Variants in KLHL4 observed in about 807,000 individuals in gnomAD.
The protein encoded by KLHL4 is kelch-like protein 4.
In KLHL4, 17 loss-of-function variants were observed where a neutral mutation model predicts 45.8. That is an observed-to-expected ratio of 0.37 (90% CI 0.25 to 0.56). The LOEUF is 0.56. Among genes scored for constraint, KLHL4 ranks in the 20% least tolerant of loss-of-function variants. KLHL4 has a pLI of 0.79. For missense variants in KLHL4, 544 were observed against 544.9 expected (o/e 1.00, Z 0.02); for synonymous variants, 224 against 189.9 (o/e 1.18, Z -1.47).
chrX:87,589,861 C>T (rs1287605865), intron 1 of KLHL4, among the ~76,000 whole-genome samples: 5 of 89,509 alleles, frequency 5.6e-5, no homozygotes, highest in Non-Finnish European at 4.3e-5. Flanking sequence ...GAAACCCCGT[C>T]TCTACTAAAA....
At chrX:87,632,503 C>A in intron 7 of KLHL4, 69 bp downstream of exon 7, 1 of 726,097 alleles carries the variant, frequency 1.4e-6, no homozygotes, top group East Asian at 3.4e-5. Flanking sequence ...TTAAATCTAG[C>A]AGCACATTAT....
chrX:87,541,953 G>A (rs1007546116), intron 1 of KLHL4, among the ~76,000 whole-genome samples: 4 of 112,023 alleles, frequency 3.6e-5, no homozygotes, highest in South Asian at 7.4e-4. Flanking sequence ...TAGAGATGCG[G>A]AACTCATTGG....
At chrX:87,636,436 T>A (rs769494510) in intron 9 of KLHL4, among the ~76,000 whole-genome samples, 4 of 111,766 alleles carry the variant, frequency 3.6e-5, no homozygotes, top group South Asian at 3.8e-4. Context: ...ACTTTTGCTC[T>A]AAGAACTACC....
At chrX:87,603,679 G>A (rs1422554191) in intron 1 of KLHL4, among the ~76,000 whole-genome samples, 3 of 110,382 alleles carry the variant, frequency 2.7e-5, no homozygotes, top group African/African-American at 9.9e-5. Context: ...TATTATGCAT[G>A]ATATTTATAT....
intron 1 of KLHL4, among the ~76,000 whole-genome samples, chrX:87,553,612 G>T (rs1236780769): frequency 2.9e-5 from 3 of 105,089 alleles, no homozygotes; most frequent in African/African-American, 1.0e-4. Flanking sequence ...CGGTTAAAAA[G>T]TTCTTAAATG....
chrX:87,527,078 C>T (rs1931126440), intron 1 of KLHL4, among the ~76,000 whole-genome samples: 1 of 111,451 alleles, frequency 9.0e-6, no homozygotes, highest in African/African-American at 3.3e-5. Flanking sequence ...ATTGAAATTC[C>T]TGAACAAGAG....
chrX:87,650,771 G>A (rs1322940017), intron 9 of KLHL4, among the ~76,000 whole-genome samples: 1 of 111,672 alleles, frequency 9.0e-6, no homozygotes, highest in Non-Finnish European at 1.9e-5. Context: ...AGACATACCT[G>A]AGACTGGGAA....
intron 8 of KLHL4, 136 bp downstream of exon 8, chrX:87,634,047 G>A: frequency 2.2e-6 from 1 of 457,001 alleles, no homozygotes; most frequent in Non-Finnish European, 3.5e-6. Flanking sequence ...GGTCTTCATT[G>A]GAACTCTCCA....
At chrX:87,541,650 A>G (rs1017008523) in intron 1 of KLHL4, among the ~76,000 whole-genome samples, 1 of 111,079 alleles carries the variant, frequency 9.0e-6, no homozygotes, top group East Asian at 2.8e-4. Context: ...AGTCAATTAA[A>G]TCTCTTTTGT....
intron 1 of KLHL4, among the ~76,000 whole-genome samples, chrX:87,590,079 A>G (rs1921612386): frequency 9.1e-6 from 1 of 109,752 alleles, no homozygotes; most frequent in Admixed American, 9.7e-5. Flanking sequence ...ATGGCACAAC[A>G]GGGTGACTAT....
chrX:87,610,133 C>T (rs1922324547), intron 1 of KLHL4, among the ~76,000 whole-genome samples: 1 of 111,888 alleles, frequency 8.9e-6, no homozygotes, highest in Admixed American at 9.5e-5. Flanking sequence ...CACCAGCCTC[C>T]CCATCCCAAA....
chrX:87,664,267 T>G (rs1926242228), intron 9 of KLHL4, among the ~76,000 whole-genome samples: 1 of 111,959 alleles, frequency 8.9e-6, no homozygotes, highest in Non-Finnish European at 1.9e-5. Flanking sequence ...TCTATGACCA[T>G]TCTATCTGCA....
chrX:87,566,860 G>T (rs1415341375), intron 1 of KLHL4, among the ~76,000 whole-genome samples: 2 of 111,048 alleles, frequency 1.8e-5, no homozygotes, highest in African/African-American at 6.6e-5. Context: ...AAAGCATTTG[G>T]CATGAGAACA....
chrX:87,530,988 T>C (rs1361502154), intron 1 of KLHL4, among the ~76,000 whole-genome samples: 1 of 111,785 alleles, frequency 8.9e-6, no homozygotes, highest in East Asian at 2.8e-4. Flanking sequence ...TGGTATCTCA[T>C]TGTGGTTTTG....
intron 9 of KLHL4, among the ~76,000 whole-genome samples, chrX:87,659,097 C>A (rs1193804718): frequency 2.3e-5 from 2 of 85,716 alleles, no homozygotes; most frequent in Non-Finnish European, 4.7e-5. Context: ...ATTCATATTT[C>A]TTTATTCTTT....
intron 9 of KLHL4, among the ~76,000 whole-genome samples, chrX:87,660,275 TCAA>T (rs921008272): frequency 2.7e-5 from 3 of 111,581 alleles, no homozygotes; most frequent in African/African-American, 9.8e-5. Flanking sequence ...ATAATTGTAT[TCAA>T]CAAAGGTAAG....
Position 87,518,273 on chromosome X carries a change from T to C in KLHL4, c.380T>C (p.Leu127Ser). The C allele has an allele frequency of 2.5e-6, 3 of 1,211,392 alleles. No individual in the cohort carries two copies. The highest frequency in any genetic ancestry group is 3.4e-6 in the Non-Finnish European group (3 of 895,311). ...GCTTGTGAGAAACGCGCACAAGATT[T>C]GGAGATGATGGCTGATGACAATATA... ...KEACEKRAQDLEMMADDNIED... is the reference protein window; with the variant it reads ...KEACEKRAQDSEMMADDNIED... Residue 127 changes from leucine to serine, a missense_variant, in exon 1 of 11, where the codon TTG becomes TCG. Transcript: ENST00000373119.
chrX:87,651,213 G>A (rs924885721), intron 9 of KLHL4, among the ~76,000 whole-genome samples: 1 of 111,130 alleles, frequency 9.0e-6, no homozygotes, highest in South Asian at 3.8e-4. Flanking sequence ...ATCTCCCACC[G>A]GGTCCCTCCC....
intron 4 of KLHL4, among the ~76,000 whole-genome samples, chrX:87,621,707 G>A (rs1350627981): frequency 9.0e-6 from 1 of 111,511 alleles, no homozygotes; most frequent in Admixed American, 9.5e-5. Flanking sequence ...TTCCATAAAA[G>A]GAAAGAGTTT....
Sources: gnomAD v4.1 joint callset for allele counts (sites outside exome capture counted in the v4.1 genomes callset) on GRCh38, gnomAD v4.1.1 for gene constraint, MANE v1.5 for transcripts, NCBI Gene and HGNC (gene_info 2026-07-23, HGNC 2026-07-21) for gene names.